The following WWOX variants were observed in gnomAD, a reference collection of about 807,000 sequenced individuals.
WWOX encodes WW domain containing oxidoreductase.
In WWOX, 69 loss-of-function variants were observed where a neutral mutation model predicts 46.2. That is an observed-to-expected ratio of 1.49 (90% CI 1.23 to 1.82). The LOEUF (loss-of-function observed/expected upper bound fraction) is 1.82. Among genes scored for constraint, WWOX ranks in the 40% most tolerant of loss-of-function variants. The pLI, the probability that WWOX is intolerant of heterozygous loss-of-function variation, is 0.00. For missense variants in WWOX, 919 were observed against 542.6 expected, an observed-to-expected ratio of 1.69 and a Z score of -6.89; for synonymous variants, 359 against 202.6, an observed-to-expected ratio of 1.77 and a Z score of -6.56.
chr16:78,541,816 G>A (rs1188254130), intron 8 of WWOX, among the ~76,000 whole-genome samples: 1 of 152,008 alleles, frequency 6.6e-6, no homozygotes, highest in East Asian at 1.9e-4. Flanking sequence ...CTACTATGAA[G>A]TATTAGCTTT....
intron 5 of WWOX, among the ~76,000 whole-genome samples, chr16:78,243,554 C>T (rs2037725039): frequency 6.6e-6 from 1 of 151,814 alleles, no homozygotes; most frequent in Admixed American, 6.6e-5. Context: ...CTATTGTTTC[C>T]TTCTTTTTTT....
intron 8 of WWOX, among the ~76,000 whole-genome samples, chr16:78,523,749 C>G (rs1463795888): frequency 6.6e-6 from 1 of 152,182 alleles, no homozygotes; most frequent in African/African-American, 2.4e-5. Flanking sequence ...TACATGATGT[C>G]CAGCACAACG....
chr16:79,211,779 G>A lies in WWOX; in HGVS notation c.1228G>A (p.Gly410Ser). 1.2e-6 allele frequency: 2 copies of A among 1,613,942 alleles called. No homozygotes were observed. The highest frequency in any genetic ancestry group is 1.7e-6 in the Non-Finnish European group (2 of 1,179,934). The part of the protein sequence containing the change: ...LSERLIQERL[G>S]SQSG ...CGAGAGGCTGATCCAAGAACGGCTT[G>A]GCAGCCAGTCCGGCTAAGTGGAGCT... The change falls in exon 9 of 9, where the codon GGC becomes AGC. Residue 410 changes from glycine to serine, a missense_variant. Physicochemically the swap from Gly to Ser is moderately conservative, Grantham distance 56. Coordinates refer to ENST00000566780, the MANE Select transcript of WWOX (RefSeq NM_016373.4).
At chr16:78,106,919 G>T (rs553582665) in intron 1 of WWOX, among the ~76,000 whole-genome samples, 1 of 152,304 alleles carries the variant, frequency 6.6e-6, no homozygotes, top group Non-Finnish European at 1.5e-5. Flanking sequence ...GCTAGCATGG[G>T]CTGCTCAGGT....
At chr16:78,978,774 C>G (rs942529816) in intron 8 of WWOX, among the ~76,000 whole-genome samples, 2 of 152,144 alleles carry the variant, frequency 1.3e-5, no homozygotes, top group Non-Finnish European at 2.9e-5. Context: ...GGGACAACAC[C>G]AAGGAGATAC....
chr16:79,042,423 G>T (rs775752567), intron 8 of WWOX, among the ~76,000 whole-genome samples: 13 of 152,148 alleles, frequency 8.5e-5, no homozygotes, highest in Non-Finnish European at 1.9e-4. Flanking sequence ...GACAGAGTCT[G>T]TGCTGGAGAG....
chr16:78,788,428 C>T (rs758325041), intron 8 of WWOX, among the ~76,000 whole-genome samples: 26 of 152,166 alleles, frequency 1.7e-4, no homozygotes, highest in South Asian at 4.1e-4. Context: ...TGTGAGTCTT[C>T]AGACCCTCCC....
At chr16:78,771,608 C>T (rs1414186579) in intron 8 of WWOX, among the ~76,000 whole-genome samples, 2 of 152,014 alleles carry the variant, frequency 1.3e-5, no homozygotes, top group East Asian at 3.9e-4. Flanking sequence ...CCCGTTTCTA[C>T]TAGAAATACA....
intron 8 of WWOX, among the ~76,000 whole-genome samples, chr16:79,121,469 C>G (rs907983572): frequency 4.6e-5 from 7 of 152,170 alleles, no homozygotes. Flanking sequence ...TTTGCCATGA[C>G]TTGGGCATTG....
chr16:78,850,703 A>T (rs865926451), intron 8 of WWOX, among the ~76,000 whole-genome samples: 68 of 152,298 alleles, frequency 4.5e-4, no homozygotes, highest in African/African-American at 1.6e-3. Flanking sequence ...TGTGCCAGTC[A>T]CTGCCTGTGA....
chr16:78,959,594 G>A (rs755031354), intron 8 of WWOX, among the ~76,000 whole-genome samples: 2 of 152,048 alleles, frequency 1.3e-5, no homozygotes, highest in Non-Finnish European at 2.9e-5. Flanking sequence ...GTGAGAACCC[G>A]TAGTATTGAC....
intron 8 of WWOX, among the ~76,000 whole-genome samples, chr16:79,090,284 T>TGTGTGC (rs2048932601): frequency 9.6e-6 from 1 of 104,150 alleles, no homozygotes; most frequent in Non-Finnish European, 2.0e-5. Flanking sequence ...TGTGTGCGTG[T>TGTGTGC]GTGTGTGTGT....
chr16:79,163,078 T>A (rs150649403), intron 8 of WWOX, among the ~76,000 whole-genome samples: 1 of 152,318 alleles, frequency 6.6e-6, no homozygotes, highest in African/African-American at 2.4e-5. Flanking sequence ...GGCCTCTTTG[T>A]CAAACCAGTG....
chr16:78,569,098 T>C (rs2044649732), intron 8 of WWOX, among the ~76,000 whole-genome samples: 1 of 152,020 alleles, frequency 6.6e-6, no homozygotes, highest in African/African-American at 2.4e-5. Context: ...AACACTCAGG[T>C]TTGCAAACCG....
intron 8 of WWOX, among the ~76,000 whole-genome samples, chr16:78,893,991 A>G (rs2151231829): frequency 6.8e-6 from 1 of 147,734 alleles, no homozygotes; most frequent in Non-Finnish European, 1.5e-5. Flanking sequence ...ATCCCTGATT[A>G]CCATAGAGTA....
intron 8 of WWOX, among the ~76,000 whole-genome samples, chr16:78,582,964 A>G (rs929697114): frequency 1.3e-5 from 2 of 152,200 alleles, no homozygotes; most frequent in Admixed American, 6.5e-5. Context: ...CAGTCTCATG[A>G]CAGAGTGCAT....
intron 8 of WWOX, among the ~76,000 whole-genome samples, chr16:78,565,761 C>T (rs749866324): frequency 2.0e-5 from 3 of 152,162 alleles, no homozygotes; most frequent in Non-Finnish European, 2.9e-5. Context: ...ATAACAATAT[C>T]CTCCAGGCTA....
intron 5 of WWOX, among the ~76,000 whole-genome samples, chr16:78,171,394 C>G (rs938062101): frequency 6.6e-6 from 1 of 152,138 alleles, no homozygotes; most frequent in Admixed American, 6.5e-5. Context: ...ATGCAATCTC[C>G]TTTGACACTA....
At chr16:78,788,572 C>G (rs1290831505) in intron 8 of WWOX, among the ~76,000 whole-genome samples, 1 of 152,176 alleles carries the variant, frequency 6.6e-6, no homozygotes, top group African/African-American at 2.4e-5. Context: ...GCGTGGCTGC[C>G]TAGGAAGGGC....
Sources: gnomAD v4.1 joint callset for allele counts (sites outside exome capture counted in the v4.1 genomes callset) on GRCh38, gnomAD v4.1.1 for gene constraint, MANE v1.5 for transcripts, NCBI Gene and HGNC (gene_info 2026-07-23, HGNC 2026-07-21) for gene names.